SGCZ: variants seen among roughly 807,000 people sequenced by gnomAD.
The protein encoded by SGCZ is sarcoglycan zeta.
A neutral mutation model predicts 41.3 loss-of-function variants in SGCZ; 40 were observed. The ratio of observed to expected loss-of-function variants is 0.97; its 90% CI spans 0.75 to 1.26. The LOEUF is 1.26. Ranked by LOEUF, SGCZ falls within the 50% of genes most tolerant of loss-of-function variation. SGCZ has a pLI of 0.00. For missense variants in SGCZ, 552 were observed against 369.8 expected (o/e 1.49, Z -4.04); for synonymous variants, 206 against 137.5 (o/e 1.50, Z -3.49).
chr8:14,840,606 T>A (rs914134615), intron 1 of SGCZ, among the ~76,000 whole-genome samples: 1 of 152,240 alleles, frequency 6.6e-6, no homozygotes, highest in South Asian at 2.1e-4. Flanking sequence ...CCAAGTCTCA[T>A]TTCTCCAAAA....
chr8:14,803,163 T>A (rs1363034254), intron 1 of SGCZ, among the ~76,000 whole-genome samples: 1 of 152,108 alleles, frequency 6.6e-6, no homozygotes, highest in Admixed American at 6.6e-5. Flanking sequence ...TGCATATGAA[T>A]CATTTATTTT....
intron 2 of SGCZ, among the ~76,000 whole-genome samples, chr8:14,358,865 T>C (rs898346289): frequency 2.6e-5 from 4 of 152,064 alleles, no homozygotes; most frequent in Admixed American, 2.6e-4. Flanking sequence ...TGCCTCAGCC[T>C]CCCAAAGTGC....
At chr8:14,702,648 T>C (rs1809174885) in intron 1 of SGCZ, among the ~76,000 whole-genome samples, 2 of 151,888 alleles carry the variant, frequency 1.3e-5, no homozygotes, top group African/African-American at 4.8e-5. Flanking sequence ...ATTTACTCAG[T>C]TGCTCAAGTC....
At chr8:14,310,300 G>C (rs1387757577) in intron 3 of SGCZ, among the ~76,000 whole-genome samples, 5 of 152,076 alleles carry the variant, frequency 3.3e-5, no homozygotes, top group Non-Finnish European at 7.4e-5. Flanking sequence ...GAATATGACA[G>C]AAAGGTGGAA....
intron 1 of SGCZ, among the ~76,000 whole-genome samples, chr8:14,745,803 G>A (rs1212312873): frequency 6.6e-6 from 1 of 151,962 alleles, no homozygotes; most frequent in African/African-American, 2.4e-5. Flanking sequence ...TCTGGACATT[G>A]ATACAACCAA....
At chr8:14,366,795 A>C (rs1346983165) in intron 2 of SGCZ, among the ~76,000 whole-genome samples, 1 of 152,132 alleles carries the variant, frequency 6.6e-6, no homozygotes, top group Non-Finnish European at 1.5e-5. Flanking sequence ...TGTAATATCA[A>C]AGGCAAGTTA....
Position 14,215,540 on chromosome 8 carries a change from G to A in SGCZ, c.424+22052C>T, listed in dbSNP as rs76755637. ...AATGAAATTTAAAGCAGAAAAAATA[G>A]AGAAAAATCAATAAATACAAAAGCT... On this transcript the variant is annotated intron_variant, in intron 4 of 7. Coordinates refer to ENST00000382080, the MANE Select transcript of SGCZ (RefSeq NM_139167.4). 1.8e-3 allele frequency among the ~76,000 whole-genome samples: 276 copies of A among 151,536 alleles called. 4 individuals are homozygous for A. The South Asian group carries it at 0.028, about 15-fold the overall frequency.
At chr8:14,248,681 T>C (rs540416778) in intron 3 of SGCZ, among the ~76,000 whole-genome samples, 4 of 152,158 alleles carry the variant, frequency 2.6e-5, no homozygotes, top group South Asian at 2.1e-4. Context: ...AGAGAAAAAA[T>C]TGCCTTTGAG....
chr8:14,122,069 GA>G lies in SGCZ; in HGVS notation c.548-13835del, dbSNP rs572232733. On this transcript the variant is annotated intron_variant, in intron 5 of 7. Transcript: ENST00000382080. ...CGAGGCGGGCAGATCCCAAGGTCAG[GA>G]GATCGAGACCATCCTGCTAACATGG... 6.3e-4 allele frequency among the ~76,000 whole-genome samples: 96 copies of G among 152,266 alleles called. 1 individual carries two copies. The South Asian group carries it at 0.019, about 30-fold the overall frequency.
At chr8:15,199,876 A>G (rs1443052968) in intron 1 of SGCZ, among the ~76,000 whole-genome samples, 1 of 152,214 alleles carries the variant, frequency 6.6e-6, no homozygotes, top group Non-Finnish European at 1.5e-5. Flanking sequence ...GCATTTCTTA[A>G]ATGCATTACT....
At chr8:15,123,648 T>A (rs1807568021) in intron 1 of SGCZ, among the ~76,000 whole-genome samples, 1 of 152,200 alleles carries the variant, frequency 6.6e-6, no homozygotes, top group Non-Finnish European at 1.5e-5. Context: ...CCCATCAATT[T>A]AGTCAATATT....
intron 1 of SGCZ, among the ~76,000 whole-genome samples, chr8:14,744,349 T>C (rs551205984): frequency 6.6e-6 from 1 of 152,266 alleles, no homozygotes; most frequent in African/African-American, 2.4e-5. Flanking sequence ...AACAGGTCTA[T>C]AGGCCAGAAC....
At chr8:14,314,178 T>G (rs1801641280) in intron 3 of SGCZ, among the ~76,000 whole-genome samples, 1 of 152,112 alleles carries the variant, frequency 6.6e-6, no homozygotes, top group African/African-American at 2.4e-5. Flanking sequence ...TTTGTTTATT[T>G]TTAAGTCCAA....
intron 1 of SGCZ, among the ~76,000 whole-genome samples, chr8:14,920,175 T>G (rs367625960): frequency 3.3e-5 from 5 of 152,282 alleles, no homozygotes; most frequent in African/African-American, 1.2e-4. Flanking sequence ...TTTTAGCTTC[T>G]GACACTGTGG....
chr8:14,585,282 T>C (rs184482572), intron 1 of SGCZ, among the ~76,000 whole-genome samples: 13 of 152,316 alleles, frequency 8.5e-5, no homozygotes, highest in Admixed American at 2.6e-4. Context: ...TTGTTTCATA[T>C]ATTTGTACTA....
chr8:14,220,726 G>T (rs954604114), intron 4 of SGCZ, among the ~76,000 whole-genome samples: 16 of 152,084 alleles, frequency 1.1e-4, no homozygotes, highest in Non-Finnish European at 1.9e-4. Context: ...GGCGGAGCTT[G>T]CAGTGAGCTG....
intron 2 of SGCZ, among the ~76,000 whole-genome samples, chr8:14,541,265 T>A (rs28514989): frequency 3.3e-5 from 5 of 152,062 alleles, no homozygotes; most frequent in African/African-American, 1.2e-4. Context: ...AAGCTCTGCA[T>A]GCATTAGGTA....
At chr8:14,754,369 C>G (rs1308499638) in intron 1 of SGCZ, among the ~76,000 whole-genome samples, 7 of 152,114 alleles carry the variant, frequency 4.6e-5, no homozygotes, top group Admixed American at 4.6e-4. Flanking sequence ...TGTTTTTCTT[C>G]TTTTCCATAG....
At chr8:14,095,769 C>G (rs535789144) in intron 7 of SGCZ, among the ~76,000 whole-genome samples, 1 of 152,142 alleles carries the variant, frequency 6.6e-6, no homozygotes, top group South Asian at 2.1e-4. Flanking sequence ...TGTGTCCTCT[C>G]TTATTTCCCT....
Sources: allele counts gnomAD v4.1 joint callset (sites outside exome capture counted in the v4.1 genomes callset), GRCh38; gene constraint gnomAD v4.1.1; transcripts MANE v1.5; gene names NCBI Gene and HGNC (gene_info 2026-07-23, HGNC 2026-07-21).